Variants in GPR158 observed in about 807,000 individuals in gnomAD.
GPR158 encodes the protein G protein-coupled receptor 158.
A neutral mutation model predicts 78.2 loss-of-function variants in GPR158; 30 were observed. The ratio of observed to expected loss-of-function variants is 0.38; its 90% confidence interval spans 0.29 to 0.52. The LOEUF is 0.52. Among genes scored for constraint, GPR158 ranks in the 20% least tolerant of loss-of-function variants. The pLI is 0.83. For missense variants in GPR158, 1,463 were observed against 1,523.5 expected, an observed-to-expected ratio of 0.96 and a Z score of 0.66; for synonymous variants, 581 against 591.1, an observed-to-expected ratio of 0.98 and a Z score of 0.25.
intron 4 of GPR158, among the ~76,000 whole-genome samples, chr10:25,413,163 A>G (rs1414522770): frequency 6.6e-6 from 1 of 152,126 alleles, no homozygotes. Flanking sequence ...TCTACAAAAA[A>G]AAACACAAAT....
At chr10:25,582,346 TG>T (rs1837213828) in intron 7 of GPR158, among the ~76,000 whole-genome samples, 1 of 152,220 alleles carries the variant, frequency 6.6e-6, no homozygotes, top group African/African-American at 2.4e-5. Context: ...AGCTGAGTTT[TG>T]CCAGAGTTCT....
chr10:25,365,311 T>A (rs1468681607), intron 2 of GPR158, among the ~76,000 whole-genome samples: 1 of 151,210 alleles, frequency 6.6e-6, no homozygotes, highest in Non-Finnish European at 1.5e-5. Context: ...AAGCTCAGTG[T>A]CATTTGGGAA....
At chr10:25,326,169 C>T (rs920717436) in intron 2 of GPR158, among the ~76,000 whole-genome samples, 3 of 152,102 alleles carry the variant, frequency 2.0e-5, no homozygotes, top group Admixed American at 6.6e-5. Context: ...CATTGTTCAG[C>T]GACCATTTAT....
chr10:25,381,338 G>A (rs1441527992), intron 2 of GPR158, among the ~76,000 whole-genome samples: 1 of 19,724 alleles, frequency 5.1e-5, no homozygotes, highest in Non-Finnish European at 2.4e-4. Flanking sequence ...GATGAGGGAG[G>A]TAAGTAAATG....
intron 4 of GPR158, among the ~76,000 whole-genome samples, chr10:25,448,778 A>G (rs768854400): frequency 7.9e-5 from 12 of 152,046 alleles, no homozygotes; most frequent in African/African-American, 1.2e-4. Context: ...TCATTTTGGT[A>G]TTGTCAATCT....
intron 2 of GPR158, among the ~76,000 whole-genome samples, chr10:25,287,464 T>C (rs1194765679): frequency 6.6e-6 from 1 of 152,114 alleles, no homozygotes; most frequent in Non-Finnish European, 1.5e-5. Context: ...CACTAATCTT[T>C]TTCTGTTTGT....
At chr10:25,190,407 A>T (rs1161357354) in intron 1 of GPR158, among the ~76,000 whole-genome samples, 2 of 152,074 alleles carry the variant, frequency 1.3e-5, no homozygotes, top group African/African-American at 4.8e-5. Flanking sequence ...AATACAACAC[A>T]CTGCAGCCTC....
At chr10:25,205,319 T>C (rs1430907802) in intron 1 of GPR158, among the ~76,000 whole-genome samples, 1 of 151,774 alleles carries the variant, frequency 6.6e-6, no homozygotes, top group African/African-American at 2.4e-5. Context: ...ATTTTTTTTT[T>C]TTTCCCAAAA....
intron 4 of GPR158, among the ~76,000 whole-genome samples, chr10:25,429,209 G>A (rs528684511): frequency 3.9e-5 from 6 of 152,122 alleles, no homozygotes; most frequent in African/African-American, 1.2e-4. Context: ...TGTCACAGGT[G>A]CCTTTCCCTA....
chr10:25,392,850 T>A (rs1197754069), intron 2 of GPR158, among the ~76,000 whole-genome samples: 1 of 152,180 alleles, frequency 6.6e-6, no homozygotes, highest in Non-Finnish European at 1.5e-5. Context: ...AGACCACTTG[T>A]ATACTTCAAG....
chr10:25,538,394 T>C (rs1588903560), intron 5 of GPR158, among the ~76,000 whole-genome samples: 1 of 152,228 alleles, frequency 6.6e-6, no homozygotes, highest in African/African-American at 2.4e-5. Flanking sequence ...ATTAAGGATG[T>C]TCAATTCAGG....
intron 2 of GPR158, among the ~76,000 whole-genome samples, chr10:25,322,158 G>C (rs1854958722): frequency 6.6e-6 from 1 of 152,138 alleles, no homozygotes; most frequent in Non-Finnish European, 1.5e-5. Flanking sequence ...GAGGCGGGCA[G>C]ATCGCAAGGT....
chr10:25,361,058 T>C (rs1177761853), intron 2 of GPR158, among the ~76,000 whole-genome samples: 1 of 151,874 alleles, frequency 6.6e-6, no homozygotes, highest in Non-Finnish European at 1.5e-5. Context: ...GATTTGAAAC[T>C]CTATACCCAT....
chr10:25,316,834 C>T (rs1408467669), intron 2 of GPR158, among the ~76,000 whole-genome samples: 1 of 151,452 alleles, frequency 6.6e-6, no homozygotes, highest in Non-Finnish European at 1.5e-5. Flanking sequence ...GGATTAAGGT[C>T]ATTTAATTCT....
At chr10:25,488,013 C>T (rs1238670874) in intron 5 of GPR158, among the ~76,000 whole-genome samples, 1 of 152,102 alleles carries the variant, frequency 6.6e-6, no homozygotes, top group African/African-American at 2.4e-5. Flanking sequence ...AATACCTTAG[C>T]ATTAGGATTG....
At chr10:25,514,359 C>T (rs1303996449) in intron 5 of GPR158, among the ~76,000 whole-genome samples, 1 of 152,008 alleles carries the variant, frequency 6.6e-6, no homozygotes, top group East Asian at 1.9e-4. Context: ...CATGGAGTAT[C>T]TTTTATCCTT....
At position 25,423,377 on chromosome 10, in the gene GPR158, A is replaced by C. The variant is rs535866443; in HGVS notation, c.1335+10904A>C. Among the ~76,000 whole-genome samples, 80 of 129,418 alleles carry C rather than the reference A, an allele frequency of 6.2e-4. 1 individual carries two copies. The South Asian group carries it at 0.021, about 34-fold the overall frequency. 84.9% of individuals were successfully genotyped at this position (129,418 alleles called of 152,430 possible). A position where few individuals can be genotyped will look rare whatever the true frequency, so the allele number is the denominator to read the frequency against. ...GTGGGATTGCTGGATCAAATGGTAA[A>C]TCTACTTTTAGTTCTTTTTTTTTTT... On this transcript the variant is annotated intron_variant, in intron 4 of 10. Coordinates refer to ENST00000376351, the MANE Select transcript of GPR158 (RefSeq NM_020752.3).
chr10:25,228,867 T>A (rs1001834258), intron 2 of GPR158, among the ~76,000 whole-genome samples: 6 of 150,208 alleles, frequency 4.0e-5, no homozygotes, highest in Admixed American at 6.6e-5. Flanking sequence ...CCGTCTCTAC[T>A]AAAAAAAAAT....
chr10:25,588,005 C>T (rs969900645), intron 7 of GPR158, among the ~76,000 whole-genome samples: 2 of 152,106 alleles, frequency 1.3e-5, no homozygotes, highest in Non-Finnish European at 2.9e-5. Flanking sequence ...CCAGAAAGGT[C>T]ATGCCACTAA....
Sources: allele counts gnomAD v4.1 joint callset (sites outside exome capture counted in the v4.1 genomes callset), GRCh38; gene constraint gnomAD v4.1.1; transcripts MANE v1.5; gene names NCBI Gene and HGNC (gene_info 2026-07-23, HGNC 2026-07-21).